The following PNCK variants were observed in gnomAD, a reference collection of about 807,000 sequenced individuals.
The protein encoded by PNCK is calcium/calmodulin-dependent protein kinase type 1B.
In PNCK, 21 loss-of-function variants were observed where a neutral mutation model predicts 28.3. The ratio of observed to expected loss-of-function variants is 0.74; its 90% CI spans 0.53 to 1.07. The LOEUF (loss-of-function observed/expected upper bound fraction) is 1.07, where lower values mean the gene tolerates loss of function less well. PNCK is among the 50% of genes least tolerant of loss of function. PNCK has a pLI of 0.00. For synonymous variants in PNCK, 136 were observed against 125.2 expected (o/e 1.09, Z -0.58); for missense variants, 250 against 298.3 (o/e 0.84, Z 1.19).
chrX:153,681,786 G>A (rs1385753626), intron 1 of PNCK, among the ~76,000 whole-genome samples: 1 of 112,096 alleles, frequency 8.9e-6, no homozygotes, highest in African/African-American at 3.2e-5. Context: ...TAAGGCGGGA[G>A]ATGGGGGTGG....
intron 9 of PNCK, 29 bp downstream of exon 9, chrX:153,670,889 T>A (rs369748394): frequency 4.1e-6 from 5 of 1,211,419 alleles, no homozygotes; most frequent in East Asian, 3.0e-5. Context: ...CCCCTGGCCC[T>A]GGGGCAGCTC....
At chrX:153,684,518 G>A (rs1008913873) in intron 1 of PNCK, among the ~76,000 whole-genome samples, 1 of 103,542 alleles carries the variant, frequency 9.7e-6, no homozygotes, top group Admixed American at 1.1e-4. Context: ...GGCTGCAGCC[G>A]CACGTCGGCC....
Position 153,670,938 on chromosome X carries a change from T to C in PNCK, c.786A>G (p.Gln262=), listed in dbSNP as rs56060609. The change falls in exon 9 of 12, where the codon CAA becomes CAG. Residue 262 remains glutamine, a synonymous_variant. Transcript: ENST00000340888. ...CTCACCAAAGGTGCCGCAAGGCCTG[T>C]TGGCAGGTGAACCTCTTCTGGGGGT... The part of the protein sequence containing the change: ...ERDPQKRFTC[Q]QALRHLWISG... The C allele has an allele frequency of 8.3e-7, 1 of 1,210,914 alleles. No individual in the cohort carries two copies. The highest frequency in any genetic ancestry group is 3.0e-5 in the East Asian group (1 of 33,761).
intron 1 of PNCK, chrX:153,686,887 C>T (rs2091422745): frequency 8.7e-6 from 1 of 114,748 alleles, no homozygotes; most frequent in South Asian, 3.4e-4. Context: ...TGCTTTTCTT[C>T]CTAAAGCTGG....
chrX:153,673,495 C>A lies in PNCK; in HGVS notation c.-3+285G>T, dbSNP rs1252416716. 8.0e-5 allele frequency: 34 copies of A among 427,268 alleles called. No homozygotes were observed. The Admixed American group carries it at 1.6e-3, about 20-fold the overall frequency. 35.2% of individuals were successfully genotyped at this position (427,268 alleles called of 1,213,427 possible). A position where few individuals can be genotyped will look rare whatever the true frequency, so the allele number is the denominator to read the frequency against. On this transcript the variant is annotated intron_variant, in intron 1 of 11. Coordinates refer to ENST00000340888, the MANE Select transcript of PNCK (RefSeq NM_001366977.1). ...GCCCACAGGCACCCGCTGCCCAAGC[C>A]ACCAAGCCGCCCGGGATGCACCTGC...
At position 153,672,994 on chromosome X, in the gene PNCK, C is replaced by T. The variant is rs782131268; in HGVS notation, c.68+15G>A. 18 of 1,169,632 alleles carry T rather than the reference C, an allele frequency of 1.5e-5. No individual in the cohort carries two copies. The East Asian group carries it at 4.4e-4, about 28-fold the overall frequency. On this transcript the variant is annotated intron_variant, in intron 2 of 11. Coordinates refer to ENST00000340888, the MANE Select transcript of PNCK (RefSeq NM_001366977.1). ...ACACACACACACACGATCACACACG[C>T]GCGCGCACACTCACGAGCCGAGCCT...
chrX:153,674,361 C>T (rs1223683401), upstream of PNCK: 17 of 580,643 alleles, frequency 2.9e-5, no homozygotes, highest in Non-Finnish European at 4.2e-5. Flanking sequence ...CAATCCAAGT[C>T]AAAGCATGAG....
intron 3 of PNCK, 58 bp downstream of exon 3, chrX:153,672,508 A>T (rs2091315683): frequency 4.3e-6 from 5 of 1,176,345 alleles, no homozygotes; most frequent in Admixed American, 4.5e-5. Flanking sequence ...AGAGCCAAGG[A>T]CTGCTTGCAC....
At chrX:153,671,721 G>A in intron 5 of PNCK, 49 bp from the exon 6 acceptor site, 2 of 1,167,527 alleles carry the variant, frequency 1.7e-6, no homozygotes, top group Non-Finnish European at 2.3e-6. Context: ...CTGACGCGGT[G>A]CCGGTGCTGG....
chrX:153,672,923 G>A (rs1323996117), intron 2 of PNCK, 86 bp downstream of exon 2: 16 of 1,043,071 alleles, frequency 1.5e-5, no homozygotes, highest in Middle Eastern at 5.0e-4. Flanking sequence ...ACCCACTCGC[G>A]TAGTCACACA....
rs782295831 is a variant in PNCK, at chrX:153,670,291, C to T, written c.*7+159G>A. On this transcript the variant is annotated intron_variant, in intron 11 of 11. Transcript: ENST00000340888. Reference sequence around the variant, plus strand: ...CACCCACTGGCCCTCCCTGTCCTTCCACCTCTCCTGGGGCCCTGGCTCCTC... The same window carrying T: ...CACCCACTGGCCCTCCCTGTCCTTCTACCTCTCCTGGGGCCCTGGCTCCTC... Among the ~76,000 whole-genome samples the T allele has an allele frequency of 4.4e-5, 5 of 112,922 alleles. No individual in the cohort carries two copies. The South Asian group carries it at 1.5e-3, about 33-fold the overall frequency.
rs371925895 is a variant in PNCK at position 153,673,186 on chromosome X, G to A, written c.-2-108C>T. ...GGCAGGCCTCAGCCATTGCCGCTGC[G>A]CGCTCGACCCTCCCCTCCCCCGTCC... On this transcript the variant is annotated intron_variant, in intron 1 of 11. Coordinates refer to ENST00000340888, the MANE Select transcript of PNCK (RefSeq NM_001366977.1). 352 of 1,178,936 alleles carry A rather than the reference G, an allele frequency of 3.0e-4. 1 individual carries two copies. Among genetic ancestry groups the A allele is most frequent in the Middle Eastern group, 4.7e-4 (2 of 4,233 alleles).
At chrX:153,671,525 A>G in intron 6 of PNCK, 24 bp downstream of exon 6, 1 of 1,211,646 alleles carries the variant, frequency 8.3e-7, no homozygotes, top group South Asian at 1.8e-5. Context: ...CACTCCCAGC[A>G]AGCCTCAGGG....
At chrX:153,674,347 A>G (rs1189050441), upstream of PNCK, 2 of 652,048 alleles carry the variant, frequency 3.1e-6, no homozygotes, top group South Asian at 8.4e-5. Flanking sequence ...GCAGCTCTCT[A>G]TGTCAATCCA....
chrX:153,676,691 C>T (rs2094748999), upstream of PNCK, among the ~76,000 whole-genome samples: 1 of 110,198 alleles, frequency 9.1e-6, no homozygotes, highest in African/African-American at 3.3e-5. Context: ...TGGTGAAACC[C>T]CGTCTCTACT....
upstream of PNCK, chrX:153,674,295 G>A: frequency 1.1e-6 from 1 of 940,616 alleles, no homozygotes; most frequent in Non-Finnish European, 1.4e-6. Flanking sequence ...TCTCTACCCA[G>A]CAGCCAGAGC....
At chrX:153,683,537 G>A (rs1460455895) in intron 1 of PNCK, among the ~76,000 whole-genome samples, 7 of 110,329 alleles carry the variant, frequency 6.3e-5, no homozygotes, top group African/African-American at 3.3e-5. Flanking sequence ...TCCACCTCCC[G>A]GGTTCAAGCG....
chrX:153,672,044 C>G, intron 4 of PNCK, 26 bp from the exon 5 acceptor site: 1 of 1,206,113 alleles, frequency 8.3e-7, no homozygotes, highest in Non-Finnish European at 1.1e-6. Flanking sequence ...GTTTGGCTGA[C>G]CCAGGCACTC....
At chrX:153,682,034 G>A (rs1201092558) in intron 1 of PNCK, among the ~76,000 whole-genome samples, 1 of 112,040 alleles carries the variant, frequency 8.9e-6, no homozygotes, top group African/African-American at 3.3e-5. Context: ...TGTCACCCAG[G>A]CTGGAGTGCA....
Sources: gnomAD v4.1 joint callset for allele counts (sites outside exome capture counted in the v4.1 genomes callset) on GRCh38, gnomAD v4.1.1 for gene constraint, MANE v1.5 for transcripts, NCBI Gene and HGNC (gene_info 2026-07-23, HGNC 2026-07-21) for gene names.